ZNF346: variants seen among roughly 807,000 people sequenced by gnomAD.
ZNF346 encodes the protein double-stranded RNA-binding zinc finger protein JAZ.
A neutral mutation model predicts 33.7 loss-of-function variants in ZNF346; 23 were observed. The ratio of observed to expected loss-of-function variants is 0.68; its 90% CI spans 0.49 to 0.97. ZNF346 has a LOEUF of 0.97. Ranked by LOEUF, ZNF346 falls within the 50% of genes least tolerant of loss-of-function variation. The probability of loss-of-function intolerance (pLI) is 0.00; values close to 1 mark genes in which losing one functional copy is unlikely to be tolerated. For synonymous variants in ZNF346, 134 were observed against 142.4 expected (o/e 0.94, Z 0.42); for missense variants, 340 against 371.1 (o/e 0.92, Z 0.69).
exon 9 of ZNF346, chr5:177,080,515 C>T (rs1349727795): frequency 3.3e-5 from 5 of 152,204 alleles, no homozygotes; most frequent in South Asian, 2.1e-4. Context: ...TTTCGGGACT[C>T]AAACCCAGAT....
At chr5:177,041,034 C>A in intron 1 of ZNF346, 92 bp from the exon 2 acceptor site, 1 of 949,586 alleles carries the variant, frequency 1.1e-6, no homozygotes, top group Non-Finnish European at 1.7e-6. Flanking sequence ...GGCATCCCAT[C>A]ATTCAGTGCC....
In ZNF346 at chr5:177,026,248, G is replaced by T. The variant is rs575383552; in HGVS notation, c.175+3335G>T. On this transcript the variant is annotated intron_variant, in intron 1 of 6. Transcript: ENST00000358149. ...TCAAACTCCTGACCTCAAGTGATCT[G>T]CCCCCTTCAGCCTCCCAAAGTGCTG... 3.0e-3 allele frequency among the ~76,000 whole-genome samples: 458 copies of T among 151,118 alleles called. 1 individual carries two copies. Among genetic ancestry groups the T allele is most frequent in the African/African-American group, 0.011 (436 of 41,052 alleles).
intron 1 of ZNF346, among the ~76,000 whole-genome samples, chr5:177,040,107 G>T (rs189329597): frequency 4.6e-4 from 69 of 151,610 alleles, no homozygotes; most frequent in African/African-American, 1.6e-3. Flanking sequence ...TGTGAACTTG[G>T]GAGGCGGAGC....
rs904048496 is a variant in ZNF346, at chr5:177,065,497, C to G, written c.*898C>G. The G allele has an allele frequency of 2.0e-5, 3 of 152,696 alleles. No homozygotes were observed. The highest frequency in any genetic ancestry group is 2.1e-4 in the South Asian group (1 of 4,836). 9.5% of individuals were successfully genotyped at this position (152,696 alleles called of 1,614,324 possible). ...CGGCCCTACTAGCCCTCTCTTCCCCCTTGTGCAGCGGACCACTTGCCCAGT... is the reference window on the plus strand; with the variant it reads ...CGGCCCTACTAGCCCTCTCTTCCCCGTTGTGCAGCGGACCACTTGCCCAGT... On this transcript the variant is annotated 3_prime_UTR_variant, in exon 7 of 7. Coordinates refer to ENST00000358149, the MANE Select transcript of ZNF346 (RefSeq NM_012279.4).
chr5:177,046,585 TGTAAA>T (rs1216901788), intron 4 of ZNF346, among the ~76,000 whole-genome samples: 1 of 152,210 alleles, frequency 6.6e-6, no homozygotes, highest in African/African-American at 2.4e-5. Context: ...CACTTTTTAA[TGTAAA>T]GTAATATAAT....
intron 5 of ZNF346, among the ~76,000 whole-genome samples, chr5:177,054,951 A>G (rs1222392947): frequency 6.6e-6 from 1 of 152,140 alleles, no homozygotes; most frequent in Admixed American, 6.5e-5. Flanking sequence ...CCTTTCTGAA[A>G]AGTAAAAAAT....
chr5:177,031,208 A>G (rs1054349569), intron 1 of ZNF346, among the ~76,000 whole-genome samples: 57 of 151,758 alleles, frequency 3.8e-4, no homozygotes, highest in African/African-American at 1.4e-3. Flanking sequence ...CTAATTTTGT[A>G]TTTTTAGTAG....
chr5:177,025,043 A>G (rs1049505233), intron 1 of ZNF346, among the ~76,000 whole-genome samples: 3 of 152,218 alleles, frequency 2.0e-5, no homozygotes, highest in Non-Finnish European at 2.9e-5. Context: ...AGAGTTGTAT[A>G]GCCATTACCA....
chr5:177,066,183 C>T lies in ZNF346; in HGVS notation c.*1584C>T, dbSNP rs1783148257. 6.6e-6 allele frequency among the ~76,000 whole-genome samples: 1 copy of T among 150,966 alleles called. No individual in the cohort carries two copies. The highest frequency in any genetic ancestry group is 2.1e-4 in the South Asian group (1 of 4,734). ...CTCATCTTCTCATCCACCACCTTCT[C>T]CTGCTTCTCCTGTCACATAGGGCCT... is the stretch of plus-strand genomic sequence containing the variant. On this transcript the variant is annotated 3_prime_UTR_variant, in exon 7 of 7. Coordinates refer to ENST00000358149, the MANE Select transcript of ZNF346 (RefSeq NM_012279.4).
At chr5:177,024,157 T>TACACACACACACACACACAC (rs144403449) in intron 1 of ZNF346, among the ~76,000 whole-genome samples, 1,713 of 121,312 alleles carry the variant, frequency 0.014, 25 homozygotes, top group South Asian at 0.038. Context: ...ATTTTATGTA[T>TACACACACACACACACACAC]ACACACACAC....
rs1581794357 is a variant in ZNF346 at position 177,030,503 on chromosome 5, T to C, written c.175+7590T>C. The stretch of plus-strand genomic sequence containing the variant: ...GCATGGTGGTGCCGTGCCATGGGGT[T>C]TCACCGTGTTAGCCAGGATGGTCTC... On this transcript the variant is annotated intron_variant, in intron 1 of 6. Coordinates refer to ENST00000358149, the MANE Select transcript of ZNF346 (RefSeq NM_012279.4). 2.0e-5 allele frequency among the ~76,000 whole-genome samples: 3 copies of C among 152,064 alleles called. No individual in the cohort carries two copies. In the East Asian group the frequency reaches 5.8e-4, roughly 30 times the overall value.
intron 1 of ZNF346, among the ~76,000 whole-genome samples, chr5:177,028,371 T>C (rs1326835704): frequency 6.6e-6 from 1 of 150,892 alleles, no homozygotes. Flanking sequence ...GAATTTGTCA[T>C]TTTCTTGATC....
At chr5:177,048,772 TTTTTC>T (rs1780448197) in intron 4 of ZNF346, among the ~76,000 whole-genome samples, 1 of 145,006 alleles carries the variant, frequency 6.9e-6, no homozygotes, top group African/African-American at 2.8e-5. Context: ...GTAACTTGTT[TTTTTC>T]TTTTTTTTTC....
exon 9 of ZNF346, chr5:177,079,606 T>C (rs1186817012): frequency 6.6e-6 from 1 of 152,122 alleles, no homozygotes; most frequent in African/African-American, 2.4e-5. Context: ...TGGGGCTAAG[T>C]GAGAGATGGA....
At chr5:177,044,203 G>T in intron 3 of ZNF346, 186 bp from the exon 4 acceptor site, 2 of 610,134 alleles carry the variant, frequency 3.3e-6, no homozygotes, top group East Asian at 5.9e-5. Flanking sequence ...AAGCATCAGA[G>T]AATAAAGTGG....
chr5:177,043,637 A>G (rs1275675953), intron 3 of ZNF346, among the ~76,000 whole-genome samples: 1 of 151,948 alleles, frequency 6.6e-6, no homozygotes, highest in African/African-American at 2.4e-5. Flanking sequence ...GTGGTGGCAT[A>G]TTCCTGTAGT....
At chr5:177,070,401 G>C (rs567001777), downstream of ZNF346, among the ~76,000 whole-genome samples, 1 of 152,180 alleles carries the variant, frequency 6.6e-6, no homozygotes, top group South Asian at 2.1e-4. Flanking sequence ...GCATATGAGG[G>C]AGCCCCTGCT....
intron 1 of ZNF346, among the ~76,000 whole-genome samples, chr5:177,038,238 G>T (rs989498535): frequency 6.7e-6 from 1 of 148,678 alleles, no homozygotes; most frequent in Non-Finnish European, 1.5e-5. Context: ...ACAGGCATGC[G>T]CCACCATGCC....
In ZNF346 at chr5:177,039,172, T is replaced by C. The variant is rs112262150; in HGVS notation, c.176-1954T>C. ...TCCCAAAGTGCTAAGATTACAGGCA[T>C]TACCAATCGTGCCTGGCCACCTCTG... On this transcript the variant is annotated intron_variant, in intron 1 of 6. Coordinates refer to ENST00000358149, the MANE Select transcript of ZNF346 (RefSeq NM_012279.4). 7.1e-3 allele frequency among the ~76,000 whole-genome samples: 1,074 copies of C among 152,104 alleles called. 11 individuals carry two copies. Among genetic ancestry groups the C allele is most frequent in the African/African-American group, 0.024 (989 of 41,482 alleles).
Sources: allele counts gnomAD v4.1 joint callset (sites outside exome capture counted in the v4.1 genomes callset), GRCh38; gene constraint gnomAD v4.1.1; transcripts MANE v1.5; gene names NCBI Gene and HGNC (gene_info 2026-07-23, HGNC 2026-07-21).